The following FOXP1 variants were observed in gnomAD, a reference collection of about 807,000 sequenced individuals.
FOXP1 encodes the protein forkhead box P1, also known as forkhead box protein P1.
Under a neutral mutation model 98.2 loss-of-function variants are expected in FOXP1, and 15 were observed. The ratio of observed to expected loss-of-function variants is 0.15; its 90% CI spans 0.10 to 0.24. The LOEUF (loss-of-function observed/expected upper bound fraction) is 0.24, where lower values mean the gene tolerates loss of function less well. Among genes scored for constraint, FOXP1 ranks in the 10% least tolerant of loss-of-function variants. The pLI, the probability that FOXP1 is intolerant of heterozygous loss-of-function variation, is 1.00. For missense variants in FOXP1, 633 were observed against 848.5 expected (o/e 0.75, Z 3.15); for synonymous variants, 371 against 314.5 (o/e 1.18, Z -1.90).
At chr3:71,402,433 C>A (rs1030771406) in intron 3 of FOXP1, among the ~76,000 whole-genome samples, 1 of 151,632 alleles carries the variant, frequency 6.6e-6, no homozygotes, top group Admixed American at 6.6e-5. Context: ...CCAGCCTGGG[C>A]GAAAAAATGA....
chr3:71,493,853 T>A (rs535523737), intron 2 of FOXP1, among the ~76,000 whole-genome samples: 18 of 152,290 alleles, frequency 1.2e-4, no homozygotes, highest in African/African-American at 4.3e-4. Context: ...CATTATCAAG[T>A]CTTCAGGTAA....
At chr3:70,991,118 T>C (rs1048006534) in intron 13 of FOXP1, among the ~76,000 whole-genome samples, 3 of 151,614 alleles carry the variant, frequency 2.0e-5, no homozygotes, top group Non-Finnish European at 2.9e-5. Context: ...GCTGAGTATA[T>C]GTTTGAAATC....
At chr3:71,100,556 G>A (rs144815865) in intron 7 of FOXP1, among the ~76,000 whole-genome samples, 1 of 152,304 alleles carries the variant, frequency 6.6e-6, no homozygotes, top group South Asian at 2.1e-4. Flanking sequence ...ACTTAGGAAC[G>A]GGACAGCCCT....
intron 4 of FOXP1, among the ~76,000 whole-genome samples, chr3:71,357,161 T>A (rs759538101): frequency 9.9e-5 from 15 of 152,222 alleles, no homozygotes; most frequent in Admixed American, 2.0e-4. Context: ...GAATTGGGTG[T>A]GAGTGCGTGC....
chr3:71,295,041 T>G (rs1420289260), intron 5 of FOXP1, among the ~76,000 whole-genome samples: 1 of 152,216 alleles, frequency 6.6e-6, no homozygotes, highest in Non-Finnish European at 1.5e-5. Flanking sequence ...GGGGTCTCTT[T>G]GTTACACCAG....
chr3:71,212,197 C>T (rs1357418361), intron 5 of FOXP1, among the ~76,000 whole-genome samples: 1 of 152,042 alleles, frequency 6.6e-6, no homozygotes, highest in East Asian at 1.9e-4. Context: ...AACATTGAAC[C>T]ACAGTAATGC....
intron 5 of FOXP1, among the ~76,000 whole-genome samples, chr3:71,275,227 C>CT (rs1306909702): frequency 6.6e-6 from 1 of 152,280 alleles, no homozygotes; most frequent in Non-Finnish European, 1.5e-5. Context: ...GGTGTACGTT[C>CT]TTTTTTAACA....
intron 2 of FOXP1, among the ~76,000 whole-genome samples, chr3:71,511,495 A>AT (rs2042201377): frequency 7.2e-6 from 1 of 138,592 alleles, no homozygotes; most frequent in South Asian, 2.2e-4. Flanking sequence ...TGTAGAATTA[A>AT]TAAAAAAAAA....
At chr3:71,213,923 T>C (rs28609581) in intron 5 of FOXP1, among the ~76,000 whole-genome samples, 1 of 152,218 alleles carries the variant, frequency 6.6e-6, no homozygotes, top group Non-Finnish European at 1.5e-5. Context: ...AAGGGTGCAG[T>C]GGGTTCCAAT....
intron 2 of FOXP1, among the ~76,000 whole-genome samples, chr3:71,497,707 G>A (rs2091513615): frequency 6.6e-6 from 1 of 152,144 alleles, no homozygotes; most frequent in Non-Finnish European, 1.5e-5. Context: ...CTACTTTAGG[G>A]GAAGGAATTA....
At chr3:71,391,352 G>C (rs1191395729) in intron 3 of FOXP1, among the ~76,000 whole-genome samples, 1 of 152,164 alleles carries the variant, frequency 6.6e-6, no homozygotes, top group Non-Finnish European at 1.5e-5. Flanking sequence ...AATAAACAAA[G>C]ACTGCCTTTC....
chr3:70,979,328 ATAAAT>A (rs1335555298), intron 14 of FOXP1, among the ~76,000 whole-genome samples: 4 of 149,712 alleles, frequency 2.7e-5, no homozygotes, highest in Non-Finnish European at 4.4e-5. Flanking sequence ...AAAGAAAAAA[ATAAAT>A]TAATGAGCAC....
In FOXP1 at chr3:71,335,874, G is replaced by A. The variant is rs1035229650; in HGVS notation, c.-73+23276C>T. Among the ~76,000 whole-genome samples the A allele has an allele frequency of 1.1e-4, 17 of 151,856 alleles. 1 individual carries two copies. The highest frequency in any genetic ancestry group is 5.8e-4 in the East Asian group (3 of 5,182). ...ACAAAAATTAGCTGGACTTGTTGGCGTGCACCTGTAATTCCAGCTACTCAG... is the reference window on the plus strand; with the variant it reads ...ACAAAAATTAGCTGGACTTGTTGGCATGCACCTGTAATTCCAGCTACTCAG... On this transcript the variant is annotated intron_variant, in intron 4 of 20. Transcript: ENST00000649528.
intron 3 of FOXP1, among the ~76,000 whole-genome samples, chr3:71,427,493 C>T (rs754821750): frequency 1.1e-4 from 16 of 152,270 alleles, no homozygotes; most frequent in South Asian, 2.1e-4. Flanking sequence ...CCCCGGATGC[C>T]GGGCTAGGGA....
intron 3 of FOXP1, among the ~76,000 whole-genome samples, chr3:71,389,767 T>C (rs1267246457): frequency 6.6e-6 from 1 of 152,156 alleles, no homozygotes; most frequent in African/African-American, 2.4e-5. Context: ...TTAATAATAA[T>C]TGTGGATTTT....
chr3:71,156,428 T>A lies in FOXP1; in HGVS notation c.180+41774A>T, dbSNP rs539947281. Among the ~76,000 whole-genome samples, 15 of 152,042 alleles carry A rather than the reference T, an allele frequency of 9.9e-5. 1 individual carries two copies. In the East Asian group the frequency reaches 1.7e-3, roughly 18 times the overall value. ...ATTAACTACAACCCAGCAGCATTTG[T>A]GCTTCAATGGAGGGGTGCACCAAAC... On this transcript the variant is annotated intron_variant, in intron 6 of 20. Transcript: ENST00000649528.
chr3:70,988,098 T>C, intron 13 of FOXP1, 21 bp from the exon 14 acceptor site: 1 of 1,610,550 alleles, frequency 6.2e-7, no homozygotes, highest in Non-Finnish European at 8.5e-7. Flanking sequence ...GAAAATGCTT[T>C]GTTATTTCTC....
intron 3 of FOXP1, among the ~76,000 whole-genome samples, chr3:71,388,748 T>A (rs1478291844): frequency 6.6e-6 from 1 of 152,142 alleles, no homozygotes; most frequent in Non-Finnish European, 1.5e-5. Flanking sequence ...GCGGCATACA[T>A]AATAAATCTA....
intron 6 of FOXP1, among the ~76,000 whole-genome samples, chr3:71,170,819 G>T (rs866602810): frequency 9.2e-5 from 14 of 152,116 alleles, no homozygotes; most frequent in Non-Finnish European, 2.1e-4. Flanking sequence ...TTGATTCAGC[G>T]TCCATCTACA....
Sources: gnomAD v4.1 joint callset for allele counts (sites outside exome capture counted in the v4.1 genomes callset) on GRCh38, gnomAD v4.1.1 for gene constraint, MANE v1.5 for transcripts, NCBI Gene and HGNC (gene_info 2026-07-23, HGNC 2026-07-21) for gene names.